ZNF521: variants seen among roughly 807,000 people sequenced by gnomAD.
The protein encoded by ZNF521 is LYST-interacting protein 3.
In ZNF521, 14 loss-of-function variants were observed where a neutral mutation model predicts 105.5. The ratio of observed to expected loss-of-function variants is 0.13; its 90% CI spans 0.09 to 0.21. ZNF521 has a LOEUF of 0.21. ZNF521 is among the 10% of genes least tolerant of loss of function. The pLI is 1.00. For synonymous variants in ZNF521, 635 were observed against 606.0 expected (o/e 1.05, Z -0.70); for missense variants, 1,233 against 1,629.7 (o/e 0.76, Z 4.19).
At chr18:25,219,969 C>T (rs12607354) in intron 4 of ZNF521, among the ~76,000 whole-genome samples, 12,499 of 152,270 alleles carry the variant, frequency 0.082, 1,020 homozygotes, top group African/African-American at 0.22. Context: ...TTCCCACCAG[C>T]TCCCAAAGGT....
intron 2 of ZNF521, among the ~76,000 whole-genome samples, chr18:25,340,796 TAGAGA>T (rs1430924287): frequency 6.6e-6 from 1 of 152,106 alleles, no homozygotes; most frequent in African/African-American, 2.4e-5. Context: ...GGGACAAAGA[TAGAGA>T]TAAAAAGCCA....
chr18:25,133,766 C>T (rs555082883), intron 5 of ZNF521, among the ~76,000 whole-genome samples: 2 of 152,028 alleles, frequency 1.3e-5, no homozygotes, highest in East Asian at 1.9e-4. Flanking sequence ...GCTGATTGAA[C>T]AATAGTTTTC....
At chr18:25,064,861 C>G (rs1038555453) in intron 7 of ZNF521, among the ~76,000 whole-genome samples, 1 of 152,204 alleles carries the variant, frequency 6.6e-6, no homozygotes, top group Non-Finnish European at 1.5e-5. Flanking sequence ...GTATTTCACT[C>G]TCCCTTATTT....
At chr18:25,224,175 GAAGC>G (rs1450706862) in intron 4 of ZNF521, 166 bp downstream of exon 4, 1 of 664,894 alleles carries the variant, frequency 1.5e-6, no homozygotes, top group African/African-American at 1.8e-5. Context: ...TGCTTATCAA[GAAGC>G]AAGTAATTGC....
At chr18:25,210,089 C>T (rs962313681) in intron 4 of ZNF521, among the ~76,000 whole-genome samples, 2 of 151,942 alleles carry the variant, frequency 1.3e-5, no homozygotes, top group African/African-American at 2.4e-5. Flanking sequence ...ATAATACATA[C>T]ATAATAGGGG....
chr18:25,195,063 A>G (rs536652060), intron 5 of ZNF521, 97 bp downstream of exon 5: 1 of 968,462 alleles, frequency 1.0e-6, no homozygotes, highest in South Asian at 1.5e-5. Context: ...AAAAACAATG[A>G]TGGTTGAACA....
chr18:25,126,857 A>G (rs1205531936), intron 5 of ZNF521, among the ~76,000 whole-genome samples: 2 of 152,080 alleles, frequency 1.3e-5, no homozygotes, highest in Non-Finnish European at 2.9e-5. Flanking sequence ...TTGGCACTGC[A>G]GGAAAGGACA....
chr18:25,082,591 T>A lies in ZNF521; in HGVS notation c.3906+6874A>T, dbSNP rs1213033659. 4.7e-5 allele frequency: 21 copies of A among 442,718 alleles called. No homozygotes were observed. In the East Asian group the frequency reaches 1.6e-3, roughly 33 times the overall value. 27.4% of individuals were successfully genotyped at this position (442,718 alleles called of 1,614,324 possible). A position where few individuals can be genotyped will look rare whatever the true frequency, so the allele number is the denominator to read the frequency against. On this transcript the variant is annotated intron_variant, in intron 7 of 7. Coordinates refer to ENST00000361524, the MANE Select transcript of ZNF521 (RefSeq NM_015461.3). ...TGGCTCACGCCTGTAATCCTAGCAC[T>A]TTGGGAGGCCAAGGCGGGTGGATTG...
chr18:25,289,714 G>C (rs1279788328), intron 3 of ZNF521, among the ~76,000 whole-genome samples: 3 of 152,190 alleles, frequency 2.0e-5, no homozygotes, highest in Admixed American at 2.0e-4. Flanking sequence ...GATGACTTCA[G>C]ATAGATAGTC....
Position 25,062,396 on chromosome 18 carries a change from T to C in ZNF521, c.*316A>G. 3.2e-6 allele frequency: 1 copy of C among 316,288 alleles called. No individual in the cohort carries two copies. The highest frequency in any genetic ancestry group is 8.3e-5 in the South Asian group (1 of 12,082). The allele number at this position is 316,288 out of a possible 1,614,324, so 19.6% of individuals were successfully genotyped here. Reference sequence around the variant, plus strand: ...TTAATCTTTCTTCCTTAAAAATACTTTATCTTAAGCCATTTTGGTCATAGT... The same window carrying C: ...TTAATCTTTCTTCCTTAAAAATACTCTATCTTAAGCCATTTTGGTCATAGT... On this transcript the variant is annotated 3_prime_UTR_variant, in exon 8 of 8. Transcript: ENST00000361524.
chr18:25,326,083 A>G (rs1345433943), intron 2 of ZNF521, among the ~76,000 whole-genome samples: 1 of 152,214 alleles, frequency 6.6e-6, no homozygotes, highest in Non-Finnish European at 1.5e-5. Context: ...CAGAAATTCT[A>G]TTCTGTCCAT....
At chr18:25,211,426 C>T (rs2036177039) in intron 4 of ZNF521, among the ~76,000 whole-genome samples, 1 of 152,172 alleles carries the variant, frequency 6.6e-6, no homozygotes, top group Admixed American at 6.5e-5. Flanking sequence ...GCACAGCCTC[C>T]TATGCAGCCC....
intron 3 of ZNF521, among the ~76,000 whole-genome samples, chr18:25,248,109 T>C (rs1907853361): frequency 6.6e-6 from 1 of 152,150 alleles, no homozygotes; most frequent in Non-Finnish European, 1.5e-5. Context: ...ATGTTACAGA[T>C]TGCTTTTCTA....
At chr18:25,280,404 G>A (rs1910290010) in intron 3 of ZNF521, among the ~76,000 whole-genome samples, 1 of 151,182 alleles carries the variant, frequency 6.6e-6, no homozygotes, top group South Asian at 2.1e-4. Context: ...TCAGGATTGG[G>A]AAGGGATGTA....
At chr18:25,111,907 G>A (rs1042945680) in intron 5 of ZNF521, among the ~76,000 whole-genome samples, 5 of 152,198 alleles carry the variant, frequency 3.3e-5, no homozygotes, top group East Asian at 1.9e-4. Context: ...TCGGCGTGGC[G>A]GAGTAATGGA....
At chr18:25,349,264 G>A (rs1416137405) in intron 2 of ZNF521, among the ~76,000 whole-genome samples, 1 of 152,048 alleles carries the variant, frequency 6.6e-6, no homozygotes, top group Admixed American at 6.6e-5. Flanking sequence ...AAGTCTCGCC[G>A]GCGCGAGCCT....
chr18:25,081,878 T>A (rs1410725416), intron 7 of ZNF521, among the ~76,000 whole-genome samples: 2 of 152,158 alleles, frequency 1.3e-5, no homozygotes, highest in Non-Finnish European at 2.9e-5. Flanking sequence ...AATAACAAAC[T>A]GAGGTTAGCT....
At position 25,224,628 on chromosome 18, in the gene ZNF521, A is replaced by T; in HGVS notation, c.3290T>A (p.Val1097Glu). The T allele has an allele frequency of 1.2e-6, 2 of 1,614,128 alleles. No individual in the cohort carries two copies. The highest frequency in any genetic ancestry group is 1.7e-6 in the Non-Finnish European group (2 of 1,180,018). Residue 1097 changes from valine to glutamate, a missense_variant, in exon 4 of 8, where the codon GTG (valine) becomes GAG (glutamate). Coordinates refer to ENST00000361524, the MANE Select transcript of ZNF521 (RefSeq NM_015461.3). ...GLPYGLCAGC[V>E]NLSKSASPGI... The stretch of plus-strand genomic sequence containing the variant: ...TGGGCTGGCGCTCTTACTGAGATTC[A>T]CGCAGCCGGCACACAGACCATATGG...
chr18:25,227,167 A>G lies in ZNF521; in HGVS notation c.751T>C (p.Cys251Arg), dbSNP rs1906215238. ...KMKDTQKCSQ[C>R]EEGFDFPEDL... ...TCCGGGAAGTCAAAGCCTTCCTCAC[A>G]CTGACTGCACTTCTGAGTGTCCTTC... is the stretch of plus-strand genomic sequence containing the variant. The change falls in exon 4 of 8, where the codon TGT becomes CGT. Residue 251 changes from cysteine (C) to arginine (R), a missense_variant. Cys to Arg is a radical substitution (Grantham distance 180). Transcript: ENST00000361524. The surrounding 1 kb of genome is among the most constrained non-coding windows in gnomAD (Gnocchi z 5.7). The G allele has an allele frequency of 6.2e-7, 1 of 1,613,906 alleles. No individual in the cohort carries two copies. Among genetic ancestry groups the G allele is most frequent in the African/African-American group, 1.3e-5 (1 of 74,862 alleles).
Sources: gnomAD v4.1 joint callset for allele counts (sites outside exome capture counted in the v4.1 genomes callset) on GRCh38, gnomAD v4.1.1 for gene constraint, Gnocchi (gnomAD v3.1) non-coding constraint, MANE v1.5 for transcripts, NCBI Gene and HGNC (gene_info 2026-07-23, HGNC 2026-07-21) for gene names.